LDLRAD4: variants seen among roughly 807,000 people sequenced by gnomAD.
LDLRAD4 encodes the protein low density lipoprotein receptor class A domain containing 4, also known as low-density lipoprotein receptor class A domain-containing protein 4.
In LDLRAD4, 5 loss-of-function variants were observed where a neutral mutation model predicts 17.0. The ratio of observed to expected loss-of-function variants is 0.29; its 90% CI spans 0.15 to 0.62. The LOEUF (loss-of-function observed/expected upper bound fraction) is 0.62, where lower values mean the gene tolerates loss of function less well. Among genes scored for constraint, LDLRAD4 ranks in the 20% least tolerant of loss-of-function variants. The pLI, the probability that LDLRAD4 is intolerant of heterozygous loss-of-function variation, is 0.84. For synonymous variants in LDLRAD4, 168 were observed against 171.8 expected, an observed-to-expected ratio of 0.98 and a Z score of 0.17; for missense variants, 340 against 424.7, an observed-to-expected ratio of 0.80 and a Z score of 1.75.
intron 1 of LDLRAD4, among the ~76,000 whole-genome samples, chr18:13,291,939 T>C (rs1454441255): frequency 6.6e-6 from 1 of 152,216 alleles, no homozygotes; most frequent in Non-Finnish European, 1.5e-5. Context: ...GGTTACTTTT[T>C]GAGCCAATTT....
intron 1 of LDLRAD4, among the ~76,000 whole-genome samples, chr18:13,360,192 C>T (rs2083578652): frequency 6.6e-6 from 1 of 152,190 alleles, no homozygotes; most frequent in East Asian, 1.9e-4. Flanking sequence ...GACCTTCCTG[C>T]AGGTCATTTC....
chr18:13,497,015 T>C (rs2093483308), intron 3 of LDLRAD4, among the ~76,000 whole-genome samples: 1 of 152,016 alleles, frequency 6.6e-6, no homozygotes, highest in Non-Finnish European at 1.5e-5. Context: ...AGAAAAGCAG[T>C]AAGTAAGATG....
chr18:13,393,028 G>A (rs896713184), intron 2 of LDLRAD4, among the ~76,000 whole-genome samples: 4 of 152,186 alleles, frequency 2.6e-5, no homozygotes, highest in Non-Finnish European at 4.4e-5. Context: ...GGCTCCGAGT[G>A]AAGGATGTAG....
chr18:13,510,185 A>T (rs949351017), intron 3 of LDLRAD4, among the ~76,000 whole-genome samples: 1 of 152,212 alleles, frequency 6.6e-6, no homozygotes, highest in African/African-American at 2.4e-5. Context: ...TAACTAAATC[A>T]TGGGAACTGA....
intron 3 of LDLRAD4, among the ~76,000 whole-genome samples, chr18:13,583,941 C>G (rs1568368944): frequency 6.6e-6 from 1 of 152,180 alleles, no homozygotes; most frequent in Non-Finnish European, 1.5e-5. Flanking sequence ...CCCCCAGCTG[C>G]CTACAGGCCT....
At chr18:13,229,496 G>A (rs1760424723) in intron 1 of LDLRAD4, among the ~76,000 whole-genome samples, 1 of 152,212 alleles carries the variant, frequency 6.6e-6, no homozygotes, top group South Asian at 2.1e-4. Flanking sequence ...CATCTGCCCT[G>A]CACTGGCACA....
rs187918412 is a variant in LDLRAD4 at position 13,559,251 on chromosome 18, G to A, written c.182-61866G>A. 1.5e-3 allele frequency among the ~76,000 whole-genome samples: 225 copies of A among 152,318 alleles called. 2 individuals carry two copies. Among genetic ancestry groups the A allele is most frequent in the Non-Finnish European group, 2.1e-3 (145 of 68,026 alleles). On this transcript the variant is annotated intron_variant, in intron 3 of 5. Transcript: ENST00000359446. The stretch of plus-strand genomic sequence containing the variant: ...GGGTGATCAGCACAGCATCTGCATG[G>A]CTGCTTCCTTGTGGGGTTTCTGAAG...
chr18:13,313,636 TG>T (rs889530395), intron 1 of LDLRAD4, among the ~76,000 whole-genome samples: 3 of 152,228 alleles, frequency 2.0e-5, no homozygotes, highest in Non-Finnish European at 4.4e-5. Context: ...TACGTGTGGA[TG>T]TCATTTGAAC....
chr18:13,651,222 A>C (rs968574973), exon 6 of LDLRAD4: 1 of 152,252 alleles, frequency 6.6e-6, no homozygotes, highest in African/African-American at 2.4e-5. Flanking sequence ...AGCCTGCAGC[A>C]GAAGACTTTG....
chr18:13,307,148 A>G (rs991777174), intron 1 of LDLRAD4, among the ~76,000 whole-genome samples: 12 of 152,200 alleles, frequency 7.9e-5, no homozygotes, highest in Admixed American at 7.9e-4. Context: ...AAACACTTAG[A>G]TAAATGAAAA....
At chr18:13,230,206 G>C (rs2042004021) in intron 1 of LDLRAD4, among the ~76,000 whole-genome samples, 1 of 152,136 alleles carries the variant, frequency 6.6e-6, no homozygotes, top group South Asian at 2.1e-4. Flanking sequence ...CCACACACCA[G>C]ATCTGCCGGC....
intron 3 of LDLRAD4, among the ~76,000 whole-genome samples, chr18:13,576,437 A>AAAGAAAG (rs1555750706): frequency 3.6e-5 from 3 of 83,598 alleles, no homozygotes; most frequent in African/African-American, 6.1e-5. Flanking sequence ...AAAAAAAAAA[A>AAAGAAAG]AAAGAAAGAA....
At chr18:13,302,915 A>G (rs575466511) in intron 1 of LDLRAD4, among the ~76,000 whole-genome samples, 1 of 152,362 alleles carries the variant, frequency 6.6e-6, no homozygotes, top group South Asian at 2.1e-4. Flanking sequence ...AGTTACTGTT[A>G]TATGCAGATT....
At chr18:13,355,813 T>C (rs955245229) in intron 1 of LDLRAD4, among the ~76,000 whole-genome samples, 3 of 152,162 alleles carry the variant, frequency 2.0e-5, no homozygotes, top group Non-Finnish European at 4.4e-5. Context: ...AAAAAAATTA[T>C]AGAGACAGAG....
rs542617472 is a variant in LDLRAD4 at position 13,492,537 on chromosome 18, C to T, written c.181+54153C>T. Among the ~76,000 whole-genome samples, 13 of 152,322 alleles carry T rather than the reference C, an allele frequency of 8.5e-5. No homozygotes were observed. The East Asian group carries it at 2.5e-3, about 29-fold the overall frequency. On this transcript the variant is annotated intron_variant, in intron 3 of 5. Coordinates refer to ENST00000359446, the Ensembl canonical transcript of LDLRAD4. ...TTGGCAAACACCTTCTTCTCCAGCC[C>T]CGTAGAACGCCTGGCCTCATCAAAA...
At chr18:13,466,094 T>A (rs1292456671) in intron 3 of LDLRAD4, among the ~76,000 whole-genome samples, 1 of 152,190 alleles carries the variant, frequency 6.6e-6, no homozygotes, top group East Asian at 1.9e-4. Flanking sequence ...ATCTTTAAAA[T>A]GGTGCTCCGA....
At chr18:13,255,985 T>C (rs994264339) in intron 1 of LDLRAD4, among the ~76,000 whole-genome samples, 4 of 152,238 alleles carry the variant, frequency 2.6e-5, no homozygotes, top group Admixed American at 1.3e-4. Flanking sequence ...TGATCTTGTT[T>C]CTGCCTAACT....
At chr18:13,521,841 G>A (rs1432410296) in intron 3 of LDLRAD4, 1 of 150,228 alleles carries the variant, frequency 6.7e-6, no homozygotes, top group Non-Finnish European at 1.5e-5. Flanking sequence ...TACTGGCACT[G>A]TAATTTGAAA....
At chr18:13,597,259 T>C (rs1447265284) in intron 3 of LDLRAD4, among the ~76,000 whole-genome samples, 1 of 152,194 alleles carries the variant, frequency 6.6e-6, no homozygotes, top group Non-Finnish European at 1.5e-5. Context: ...CTTCTGGCTT[T>C]CATTGTTTCT....
Sources: allele counts gnomAD v4.1 joint callset (sites outside exome capture counted in the v4.1 genomes callset), GRCh38; gene constraint gnomAD v4.1.1; transcripts MANE v1.5; gene names NCBI Gene and HGNC (gene_info 2026-07-23, HGNC 2026-07-21).